The following QRICH1 variants were observed in gnomAD, a reference collection of about 807,000 sequenced individuals.
The protein encoded by QRICH1 is transcriptional regulator QRICH1.
QRICH1 carries 16 observed loss-of-function variants against 87.1 expected under a neutral mutation model. The observed-to-expected ratio is 0.18, with a 90% confidence interval of 0.12 to 0.28. The LOEUF (loss-of-function observed/expected upper bound fraction) is 0.28. QRICH1 is among the 10% of genes least tolerant of loss of function. The pLI is 1.00. For missense variants in QRICH1, 647 were observed against 951.7 expected, an observed-to-expected ratio of 0.68 and a Z score of 4.21; for synonymous variants, 367 against 368.4, an observed-to-expected ratio of 1.00 and a Z score of 0.05.
intron 6 of QRICH1, among the ~76,000 whole-genome samples, chr3:49,037,712 A>G (rs1329319358): frequency 6.6e-6 from 1 of 151,362 alleles, no homozygotes; most frequent in Admixed American, 6.6e-5. Context: ...AACGTGGGCA[A>G]GAGAGAGAGA....
chr3:49,071,532 T>C, intron 2 of QRICH1, among the ~76,000 whole-genome samples: 1 of 151,848 alleles, frequency 6.6e-6, no homozygotes, highest in Non-Finnish European at 1.5e-5. Context: ...CTGAGGCAAG[T>C]GAATCGTTTA....
Position 49,057,768 on chromosome 3 carries a change from T to C in QRICH1, c.432A>G (p.Pro144=). 6.2e-7 allele frequency: 1 copy of C among 1,614,190 alleles called. No individual in the cohort carries two copies. The change falls in exon 3 of 10, where the codon CCA becomes CCG. Residue 144 remains proline (P), a synonymous_variant. Transcript: ENST00000395443. This position sits in a 1 kb window ranked among gnomAD's most constrained non-coding sequence, Gnocchi z 5.4. ...TCTGAATGGAGGGGGCTGCTGACTG[T>C]GGTGCCTGGCCTTGGATCTGCACCT... is the stretch of plus-strand genomic sequence containing the variant. The part of the protein sequence containing the change: ...QVQVQIQGQA[P]QSAAPSIQTP...
intron 1 of QRICH1, 130 bp downstream of exon 1, chr3:49,093,782 C>T (rs1433026281): frequency 5.7e-6 from 2 of 353,570 alleles, no homozygotes; most frequent in East Asian, 4.1e-5. Context: ...TTTTCGGCTC[C>T]GGAGCCGCCC....
intron 2 of QRICH1, among the ~76,000 whole-genome samples, chr3:49,058,327 T>C (rs950494491): frequency 6.7e-6 from 1 of 149,746 alleles, no homozygotes; most frequent in African/African-American, 2.5e-5. Context: ...ATATCAAAAC[T>C]TTGGTTCTTT....
chr3:49,057,088 G>A lies in QRICH1; in HGVS notation c.1112C>T (p.Ser371Phe), dbSNP rs2093406928. The change falls in exon 3 of 10, where the codon TCC becomes TTC. Residue 371 changes from serine to phenylalanine, a missense_variant. Physicochemically the swap from Ser to Phe is radical, Grantham distance 155 (BLOSUM62 -2). This residue lies in a region of QRICH1 where 115 missense variants were observed against 126.8 expected (regional missense o/e 0.91). Transcript: ENST00000395443. The surrounding 1 kb of genome is among the most constrained non-coding windows in gnomAD (Gnocchi z 5.4). ...AAGGGTCTGCACTACCTCTTCATGG[G>A]AGTTTTTCACTACAGATGTGGTGCC... ...MVGTTSVVKN[S>F]HEEVVQTLAN... 1 of 1,614,218 alleles carries A rather than the reference G, an allele frequency of 6.2e-7. No homozygotes were observed. The highest frequency in any genetic ancestry group is 8.5e-7 in the Non-Finnish European group (1 of 1,180,040).
intron 3 of QRICH1, among the ~76,000 whole-genome samples, chr3:49,053,360 C>T (rs967558958): frequency 4.6e-5 from 7 of 151,544 alleles, no homozygotes; most frequent in African/African-American, 9.7e-5. Context: ...TGGTGGCGGG[C>T]GCCTGTAGTC....
At chr3:49,075,947 A>C (rs2041942353) in intron 2 of QRICH1, among the ~76,000 whole-genome samples, 1 of 152,058 alleles carries the variant, frequency 6.6e-6, no homozygotes, top group African/African-American at 2.4e-5. Flanking sequence ...GAAAAGAAAA[A>C]AACAACCCAG....
In QRICH1 at chr3:49,044,484, C is replaced by T. The variant is rs1184343635; in HGVS notation, c.1692G>A (p.Arg564=). 6.2e-7 allele frequency: 1 copy of T among 1,611,390 alleles called. No individual in the cohort carries two copies. Among genetic ancestry groups the T allele is most frequent in the Non-Finnish European group, 8.5e-7 (1 of 1,178,600 alleles). ...CIQKYLFENG[R]VDDIFSDLYY... ...AAAGATCGGAGAAAATGTCATCTAC[C>T]CTTCCATTTTCAAAAAGATACTAAA... Residue 564 remains arginine, a synonymous_variant, in exon 6 of 10, where the codon AGG becomes AGA. Transcript: ENST00000395443.
intron 1 of QRICH1, among the ~76,000 whole-genome samples, chr3:49,079,134 C>T (rs570658476): frequency 6.6e-6 from 1 of 152,022 alleles, no homozygotes; most frequent in Non-Finnish European, 1.5e-5. Flanking sequence ...ACTACGGAGG[C>T]TAAGGTAGAA....
rs925935193 is a variant in QRICH1, at chr3:49,032,027, C to T, written c.2138+156G>A. Reference sequence around the variant, plus strand: ...ATCACACACCTTTGGAAAGCCAGAGCAAGGCTGCTTCTAAATTTAGCTTTC... The same window carrying T: ...ATCACACACCTTTGGAAAGCCAGAGTAAGGCTGCTTCTAAATTTAGCTTTC... On this transcript the variant is annotated intron_variant, in intron 9 of 9. Transcript: ENST00000395443. Among the ~76,000 whole-genome samples the T allele has an allele frequency of 5.9e-5, 9 of 152,208 alleles. No individual in the cohort carries two copies. In the East Asian group the frequency reaches 1.3e-3, roughly 23 times the overall value.
intron 1 of QRICH1, among the ~76,000 whole-genome samples, chr3:49,086,701 T>C (rs1044824798): frequency 6.6e-6 from 1 of 152,176 alleles, no homozygotes; most frequent in South Asian, 2.1e-4. Context: ...TACATTTCTA[T>C]AGGTCTGTTT....
intron 3 of QRICH1, among the ~76,000 whole-genome samples, chr3:49,056,084 T>A (rs1209054345): frequency 1.3e-5 from 2 of 152,208 alleles, no homozygotes; most frequent in African/African-American, 4.8e-5. Flanking sequence ...CAAGTGATTC[T>A]CCTGCCTCAG....
Position 49,093,944 on chromosome 3 carries a change from T to G in QRICH1, c.-54A>C. On this transcript the variant is annotated 5_prime_UTR_variant, in exon 1 of 10. Coordinates refer to ENST00000395443, the MANE Select transcript of QRICH1 (RefSeq NM_198880.3). Reference sequence around the variant, plus strand: ...CGTCACTGCCGCCGCCGCCGCCGCCTCCGCTGCACCCGCCGGCCCCGCCGC... The same window carrying G: ...CGTCACTGCCGCCGCCGCCGCCGCCGCCGCTGCACCCGCCGGCCCCGCCGC... The G allele has an allele frequency of 2.6e-6, 1 of 382,766 alleles. No homozygotes were observed. The highest frequency in any genetic ancestry group is 4.6e-6 in the Non-Finnish European group (1 of 218,626). 23.7% of individuals were successfully genotyped at this position (382,766 alleles called of 1,614,324 possible).
chr3:49,079,553 T>A (rs1022902149), intron 1 of QRICH1, among the ~76,000 whole-genome samples: 2 of 150,164 alleles, frequency 1.3e-5, no homozygotes, highest in African/African-American at 4.9e-5. Context: ...ATAATAATAA[T>A]TAAGTGGTCA....
intron 3 of QRICH1, among the ~76,000 whole-genome samples, chr3:49,052,512 GT>G (rs2093376937): frequency 6.6e-6 from 1 of 151,916 alleles, no homozygotes; most frequent in Admixed American, 6.6e-5. Flanking sequence ...CCCCTTTTTT[GT>G]TTGTTTGTTT....
intron 4 of QRICH1, 51 bp from the exon 5 acceptor site, chr3:49,046,630 G>T (rs1458985807): frequency 8.2e-6 from 13 of 1,591,078 alleles, no homozygotes; most frequent in Non-Finnish European, 1.1e-5. Context: ...TCCATATCTG[G>T]AAGGCTCAGA....
chr3:49,045,509 C>A (rs1044425968), intron 5 of QRICH1, among the ~76,000 whole-genome samples: 3 of 152,136 alleles, frequency 2.0e-5, no homozygotes, highest in Non-Finnish European at 4.4e-5. Context: ...TAGCTGAATG[C>A]AGCCTCGCAC....
intron 1 of QRICH1, among the ~76,000 whole-genome samples, chr3:49,077,437 G>A (rs1325285241): frequency 1.3e-5 from 2 of 152,138 alleles, no homozygotes; most frequent in African/African-American, 4.8e-5. Context: ...TAGGGGCAGG[G>A]ATTCCTATGG....
chr3:49,040,655 A>G (rs954402775), intron 6 of QRICH1, among the ~76,000 whole-genome samples: 1 of 152,222 alleles, frequency 6.6e-6, no homozygotes. Context: ...ATACATTTTA[A>G]TAAATGTATT....
Sources: gnomAD v4.1 joint callset for allele counts (sites outside exome capture counted in the v4.1 genomes callset) on GRCh38, gnomAD v4.1.1 for gene constraint, gnomAD v4.1.1 regional missense constraint, Gnocchi (gnomAD v3.1) non-coding constraint, MANE v1.5 for transcripts, NCBI Gene and HGNC (gene_info 2026-07-23, HGNC 2026-07-21) for gene names.